Variants in ARAP2 observed in about 807,000 individuals in gnomAD.
The protein encoded by ARAP2 is ArfGAP with RhoGAP domain, ankyrin repeat and PH domain 2, also known as arf-GAP with Rho-GAP domain, ANK repeat and PH domain-containing protein 2.
In ARAP2, 148 loss-of-function variants were observed where a neutral mutation model predicts 194.5. That is an observed-to-expected ratio of 0.76 (90% CI 0.67 to 0.87). ARAP2 has a LOEUF of 0.87. Ranked by LOEUF, ARAP2 falls within the 40% of genes least tolerant of loss-of-function variation. ARAP2 has a pLI of 0.00. For synonymous variants in ARAP2, 695 were observed against 683.5 expected, an observed-to-expected ratio of 1.02 and a Z score of -0.26; for missense variants, 2,128 against 1,989.7, an observed-to-expected ratio of 1.07 and a Z score of -1.32.
At chr4:36,079,173 C>CAA (rs34229260) in intron 31 of ARAP2, among the ~76,000 whole-genome samples, 3,044 of 77,010 alleles carry the variant, frequency 0.04, 138 homozygotes, top group Middle Eastern at 0.05. Context: ...GACTCTGTCT[C>CAA]AAAAAAAAAA....
At chr4:36,079,682 G>A (rs988057760) in intron 31 of ARAP2, among the ~76,000 whole-genome samples, 1 of 152,136 alleles carries the variant, frequency 6.6e-6, no homozygotes, top group Non-Finnish European at 1.5e-5. Flanking sequence ...ATATGGTCCT[G>A]AGCAAACAAC....
intron 8 of ARAP2, among the ~76,000 whole-genome samples, chr4:36,014,748 G>C (rs1229932119): frequency 6.6e-6 from 1 of 152,128 alleles, no homozygotes; most frequent in African/African-American, 2.4e-5. Context: ...TTCCCAAAGT[G>C]ATGATACTTG....
chr4:36,040,681 C>T (rs1173509564), intron 5 of ARAP2, among the ~76,000 whole-genome samples: 4 of 113,584 alleles, frequency 3.5e-5, no homozygotes, highest in Non-Finnish European at 7.8e-5. Context: ...GATGTTTGTA[C>T]ATTGATTTTG....
chr4:36,035,855 T>C (rs924581569), intron 5 of ARAP2, among the ~76,000 whole-genome samples: 1 of 152,190 alleles, frequency 6.6e-6, no homozygotes, highest in Non-Finnish European at 1.5e-5. Flanking sequence ...TTTTTCCATA[T>C]GTCTGTCCAT....
At chr4:36,106,920 C>CT (rs1009866182) in intron 27 of ARAP2, among the ~76,000 whole-genome samples, 39 of 151,448 alleles carry the variant, frequency 2.6e-4, no homozygotes, top group African/African-American at 6.8e-4. Flanking sequence ...ATAATCCTGG[C>CT]TTTTTTTTGA....
At chr4:36,049,477 T>C (rs1209675279) in intron 3 of ARAP2, among the ~76,000 whole-genome samples, 1 of 152,200 alleles carries the variant, frequency 6.6e-6, no homozygotes, top group Admixed American at 6.5e-5. Flanking sequence ...AGGCTATCTT[T>C]GCCTTTTATG....
chr4:36,007,919 A>G (rs1022414352), intron 9 of ARAP2, among the ~76,000 whole-genome samples: 3 of 152,154 alleles, frequency 2.0e-5, no homozygotes, highest in Non-Finnish European at 4.4e-5. Flanking sequence ...TGAGAGCCAA[A>G]TCAAGAAGGC....
At chr4:36,136,794 T>C (rs1204746104) in intron 19 of ARAP2, among the ~76,000 whole-genome samples, 1 of 121,088 alleles carries the variant, frequency 8.3e-6, no homozygotes, top group Admixed American at 9.1e-5. Flanking sequence ...TGTGTGTGTG[T>C]GTGTGTGTGT....
chr4:36,170,574 C>A (rs1231758878), intron 9 of ARAP2, among the ~76,000 whole-genome samples: 1 of 152,182 alleles, frequency 6.6e-6, no homozygotes, highest in Non-Finnish European at 1.5e-5. Flanking sequence ...TTGGTGAGAT[C>A]CTATTTGTCC....
chr4:36,047,543 C>T (rs1722029262), intron 3 of ARAP2, among the ~76,000 whole-genome samples: 1 of 152,182 alleles, frequency 6.6e-6, no homozygotes, highest in Non-Finnish European at 1.5e-5. Context: ...AAGCAGCACT[C>T]ATTTATTGTG....
chr4:36,008,006 A>G (rs758361942), intron 9 of ARAP2, among the ~76,000 whole-genome samples: 14 of 152,160 alleles, frequency 9.2e-5, no homozygotes, highest in Non-Finnish European at 1.5e-4. Flanking sequence ...GGATCTCTAC[A>G]TGCAGAATTA....
chr4:36,088,561 A>G (rs1332887113), intron 28 of ARAP2, among the ~76,000 whole-genome samples: 1 of 152,106 alleles, frequency 6.6e-6, no homozygotes, highest in Non-Finnish European at 1.5e-5. Context: ...AATGCAGTAT[A>G]TAATATGAAT....
intron 3 of ARAP2, 51 bp downstream of exon 3, chr4:36,214,371 A>C (rs1294885374): frequency 1.4e-6 from 2 of 1,477,852 alleles, no homozygotes; most frequent in Admixed American, 1.8e-5. Context: ...AACACAGTTA[A>C]GACTATCAAA....
chr4:36,102,168 C>A (rs1447092109), intron 27 of ARAP2, among the ~76,000 whole-genome samples: 2 of 151,940 alleles, frequency 1.3e-5, no homozygotes, highest in Non-Finnish European at 2.9e-5. Context: ...GTATTTAGTT[C>A]CCTTCTAGAC....
At chr4:36,106,516 G>A (rs560417184) in intron 27 of ARAP2, among the ~76,000 whole-genome samples, 32 of 151,990 alleles carry the variant, frequency 2.1e-4, no homozygotes, top group African/African-American at 7.7e-4. Flanking sequence ...TATATGATAA[G>A]CTTTGGTACA....
At chr4:36,232,468 G>A (rs1274566632) in intron 1 of ARAP2, among the ~76,000 whole-genome samples, 2 of 152,176 alleles carry the variant, frequency 1.3e-5, no homozygotes, top group African/African-American at 4.8e-5. Flanking sequence ...CAGCAATTAT[G>A]TGTCAGACAC....
chr4:36,040,688 T>G (rs1397203423), intron 5 of ARAP2, among the ~76,000 whole-genome samples: 1 of 73,402 alleles, frequency 1.4e-5, no homozygotes, highest in Non-Finnish European at 3.5e-5. Context: ...GTACATTGAT[T>G]TTGTATCTAG....
intron 8 of ARAP2, among the ~76,000 whole-genome samples, chr4:36,180,317 A>G (rs937829643): frequency 6.6e-6 from 1 of 152,202 alleles, no homozygotes; most frequent in Non-Finnish European, 1.5e-5. Context: ...TTGTTGCAAT[A>G]TATCAGGATG....
chr4:36,182,634 C>T (rs1739557736), intron 8 of ARAP2, among the ~76,000 whole-genome samples: 1 of 152,124 alleles, frequency 6.6e-6, no homozygotes, highest in African/African-American at 2.4e-5. Context: ...GACAGCTGAT[C>T]TCATGAGATG....
Sources: allele counts gnomAD v4.1 joint callset (sites outside exome capture counted in the v4.1 genomes callset), GRCh38; gene constraint gnomAD v4.1.1; transcripts MANE v1.5; gene names NCBI Gene and HGNC (gene_info 2026-07-23, HGNC 2026-07-21).